The following CHMP4B variants were observed in gnomAD, a reference collection of about 807,000 sequenced individuals.
The protein encoded by CHMP4B is SNF7 homolog associated with Alix 1.
In CHMP4B, 1 loss-of-function variant was observed where a neutral mutation model predicts 25.1. The observed-to-expected ratio is 0.04, with a 90% CI of 0.01 to 0.19. The LOEUF (loss-of-function observed/expected upper bound fraction) is 0.19, where lower values mean the gene tolerates loss of function less well. Among genes scored for constraint, CHMP4B ranks in the 10% least tolerant of loss-of-function variants. The pLI is 1.00. For missense variants in CHMP4B, 151 were observed against 289.7 expected, an observed-to-expected ratio of 0.52 and a Z score of 3.48; for synonymous variants, 101 against 115.6, an observed-to-expected ratio of 0.87 and a Z score of 0.81.
At chr20:33,835,838 A>G (rs1979377713) in intron 1 of CHMP4B, among the ~76,000 whole-genome samples, 1 of 152,160 alleles carries the variant, frequency 6.6e-6, no homozygotes, top group African/African-American at 2.4e-5. Context: ...AGGGGAGCTT[A>G]TGTGTGTGGC....
chr20:33,851,048 TGGA>T lies in CHMP4B; in HGVS notation c.467_469del (p.Gly156del). On this transcript the variant is annotated inframe_deletion, in exon 3 of 5. Transcript: ENST00000217402. The stretch of plus-strand genomic sequence containing the variant: ...CAGCAATTTCGAAACCTGTAGGGTT[TGGA>T]GAAGAGTTTGACGAGGTGAGTAGTT... 6.2e-7 allele frequency: 1 copy of T among 1,611,298 alleles called. No homozygotes were observed. Among genetic ancestry groups the T allele is most frequent in the Non-Finnish European group, 8.5e-7 (1 of 1,177,414 alleles).
chr20:33,832,618 CCCTT>C (rs1979282498), intron 1 of CHMP4B, among the ~76,000 whole-genome samples: 1 of 152,136 alleles, frequency 6.6e-6, no homozygotes, highest in African/African-American at 2.4e-5. Flanking sequence ...CTCAGTCACT[CCCTT>C]CCTAGAAATG....
At chr20:33,830,558 C>T (rs950488003) in intron 1 of CHMP4B, among the ~76,000 whole-genome samples, 1 of 152,146 alleles carries the variant, frequency 6.6e-6, no homozygotes, top group African/African-American at 2.4e-5. Context: ...CTCACATGGC[C>T]TTTCTGTGGA....
At chr20:33,831,095 A>AT (rs556330396) in intron 1 of CHMP4B, among the ~76,000 whole-genome samples, 158 of 134,730 alleles carry the variant, frequency 1.2e-3, no homozygotes, top group Admixed American at 1.7e-3. Flanking sequence ...TGCTCAGCTA[A>AT]TTTTTTTTTT....
chr20:33,854,207 T>C lies in CHMP4B; in HGVS notation c.*647T>C, dbSNP rs1601331266. On this transcript the variant is annotated 3_prime_UTR_variant, in exon 5 of 5. Transcript: ENST00000217402. Reference sequence around the variant, plus strand: ...TTCTCTTGAGAGCAAGTGAGATTGTTAGAATTAAGTTCCAACTATACAGTT... The same window carrying C: ...TTCTCTTGAGAGCAAGTGAGATTGTCAGAATTAAGTTCCAACTATACAGTT... The C allele has an allele frequency of 6.4e-6, 1 of 155,078 alleles. No individual in the cohort carries two copies. Among genetic ancestry groups the C allele is most frequent in the East Asian group, 1.9e-4 (1 of 5,234 alleles). The allele number at this position is 155,078 out of a possible 1,614,324, so 9.6% of individuals were successfully genotyped here.
At chr20:33,811,732 C>G in intron 1 of CHMP4B, 74 bp downstream of exon 1, 2 of 1,469,424 alleles carry the variant, frequency 1.4e-6, no homozygotes, top group Non-Finnish European at 1.9e-6. Flanking sequence ...TCACCTTCAT[C>G]AGACTCGCCT....
At chr20:33,839,675 G>A (rs886518636) in intron 1 of CHMP4B, among the ~76,000 whole-genome samples, 2 of 152,186 alleles carry the variant, frequency 1.3e-5, no homozygotes, top group African/African-American at 4.8e-5. Context: ...TCCATGGGGA[G>A]GGGAAGGCCT....
chr20:33,844,787 C>A (rs1652116193), intron 1 of CHMP4B, among the ~76,000 whole-genome samples: 1 of 148,690 alleles, frequency 6.7e-6, no homozygotes, highest in Non-Finnish European at 1.5e-5. Flanking sequence ...GAGATGGAGT[C>A]TTGCTCTGTC....
At chr20:33,843,573 T>A (rs2067634196) in intron 1 of CHMP4B, among the ~76,000 whole-genome samples, 1 of 152,200 alleles carries the variant, frequency 6.6e-6, no homozygotes, top group African/African-American at 2.4e-5. Flanking sequence ...AGGCAAAACA[T>A]TAAGAACCAG....
At position 33,853,491 on chromosome 20, in the gene CHMP4B, C is replaced by T; in HGVS notation, c.611-5C>T. 6.2e-7 allele frequency: 1 copy of T among 1,613,662 alleles called. No homozygotes were observed. ...TCCTAAATAGCCTTTTCTGTCTTCA[C>T]ACAGCCAAGAAGAAAGAAGAGGAGG... On this transcript the variant is annotated splice_polypyrimidine_tract_variant and splice_region_variant and intron_variant, in intron 4 of 4. Coordinates refer to ENST00000217402, the MANE Select transcript of CHMP4B (RefSeq NM_176812.5).
At chr20:33,822,938 A>C (rs1432099372) in intron 1 of CHMP4B, among the ~76,000 whole-genome samples, 1 of 151,538 alleles carries the variant, frequency 6.6e-6, no homozygotes, top group African/African-American at 2.4e-5. Flanking sequence ...ACAGGTGCCC[A>C]CCACCACGCC....
At chr20:33,831,885 C>T (rs1362919110) in intron 1 of CHMP4B, among the ~76,000 whole-genome samples, 2 of 152,180 alleles carry the variant, frequency 1.3e-5, no homozygotes, top group African/African-American at 2.4e-5. Flanking sequence ...CGTGTCTGAC[C>T]TGTGCCCCAT....
At chr20:33,844,997 A>G (rs6057917) in intron 1 of CHMP4B, among the ~76,000 whole-genome samples, 94,384 of 151,900 alleles carry the variant, frequency 0.62, 30,720 homozygotes, top group East Asian at 0.94. Flanking sequence ...CTGACTTTGT[A>G]ATCCACCCGC....
intron 1 of CHMP4B, among the ~76,000 whole-genome samples, chr20:33,813,151 A>AG (rs1978685836): frequency 6.6e-6 from 1 of 151,956 alleles, no homozygotes; most frequent in African/African-American, 2.4e-5. Context: ...TGTAAAAAAA[A>AG]AAAAAAAAGG....
At chr20:33,835,444 G>A (rs1026691140) in intron 1 of CHMP4B, among the ~76,000 whole-genome samples, 3 of 152,082 alleles carry the variant, frequency 2.0e-5, no homozygotes, top group African/African-American at 7.2e-5. Context: ...CTCCTTTGGG[G>A]ACTCCAGTTA....
At chr20:33,818,389 G>T (rs937832762) in intron 1 of CHMP4B, among the ~76,000 whole-genome samples, 4 of 152,212 alleles carry the variant, frequency 2.6e-5, no homozygotes, top group African/African-American at 9.6e-5. Context: ...CCCATCCAAT[G>T]CCCAGATTCC....
chr20:33,852,858 C>T (rs1979895069), intron 4 of CHMP4B, among the ~76,000 whole-genome samples: 1 of 152,172 alleles, frequency 6.6e-6, no homozygotes. Flanking sequence ...ACCTTCATTT[C>T]CTCCCTTCAT....
At chr20:33,847,615 G>C (rs956565326) in intron 1 of CHMP4B, among the ~76,000 whole-genome samples, 1 of 152,192 alleles carries the variant, frequency 6.6e-6, no homozygotes, top group African/African-American at 2.4e-5. Flanking sequence ...GATCTCCACA[G>C]CCTCAGCGTG....
intron 1 of CHMP4B, among the ~76,000 whole-genome samples, chr20:33,845,738 A>G (rs1979671678): frequency 6.6e-6 from 1 of 152,204 alleles, no homozygotes; most frequent in Non-Finnish European, 1.5e-5. Flanking sequence ...GGAAGGATTC[A>G]CAATCACTTG....
Sources: gnomAD v4.1 joint callset for allele counts (sites outside exome capture counted in the v4.1 genomes callset) on GRCh38, gnomAD v4.1.1 for gene constraint, MANE v1.5 for transcripts, NCBI Gene and HGNC (gene_info 2026-07-23, HGNC 2026-07-21) for gene names.